The following SLC35F3 variants were observed in gnomAD, a reference collection of about 807,000 sequenced individuals.
SLC35F3 encodes the protein putative thiamine transporter SLC35F3.
In SLC35F3, 25 loss-of-function variants were observed where a neutral mutation model predicts 49.9. The observed-to-expected ratio is 0.50, with a 90% confidence interval of 0.37 to 0.70. The LOEUF (loss-of-function observed/expected upper bound fraction) is 0.70. Ranked by LOEUF, SLC35F3 falls within the 30% of genes least tolerant of loss-of-function variation. The probability of loss-of-function intolerance (pLI) is 0.00; values close to 1 mark genes in which losing one functional copy is unlikely to be tolerated. For synonymous variants in SLC35F3, 275 were observed against 265.4 expected, an observed-to-expected ratio of 1.04 and a Z score of -0.35; for missense variants, 525 against 639.8, an observed-to-expected ratio of 0.82 and a Z score of 1.94.
At chr1:234,281,090 C>T (rs192699693) in intron 3 of SLC35F3, among the ~76,000 whole-genome samples, 4 of 151,726 alleles carry the variant, frequency 2.6e-5, no homozygotes, top group African/African-American at 9.7e-5. Flanking sequence ...GTCCCCCCCC[C>T]ATGCTCAAAT....
intron 3 of SLC35F3, among the ~76,000 whole-genome samples, chr1:234,304,560 C>G (rs1668748225): frequency 6.6e-6 from 1 of 152,112 alleles, no homozygotes; most frequent in African/African-American, 2.4e-5. Flanking sequence ...TCTGCCACCC[C>G]ACGCACATAC....
chr1:234,263,751 C>T (rs1211793848), intron 3 of SLC35F3, among the ~76,000 whole-genome samples: 2 of 152,200 alleles, frequency 1.3e-5, no homozygotes, highest in Non-Finnish European at 2.9e-5. Context: ...GTGTCACCCA[C>T]GAGAAAGCTA....
At chr1:233,988,708 A>G (rs989856454) in intron 2 of SLC35F3, among the ~76,000 whole-genome samples, 3 of 152,194 alleles carry the variant, frequency 2.0e-5, no homozygotes, top group Non-Finnish European at 2.9e-5. Context: ...TCTGTCTCTT[A>G]TAACTTTTTC....
At chr1:234,187,052 A>G (rs1442802545) in intron 2 of SLC35F3, among the ~76,000 whole-genome samples, 3 of 152,032 alleles carry the variant, frequency 2.0e-5, no homozygotes, top group Non-Finnish European at 2.9e-5. Context: ...CTGTGGATCC[A>G]GGGGAATTGG....
Position 234,121,576 on chromosome 1 carries a change from T to G in SLC35F3, c.284-109841T>G, listed in dbSNP as rs185832294. Reference sequence around the variant, plus strand: ...AGCTTTTTTTTTCTTTTTTTCTTTTTATTATACTTTAAGTTCTAGGGTACA... The same window carrying G: ...AGCTTTTTTTTTCTTTTTTTCTTTTGATTATACTTTAAGTTCTAGGGTACA... On this transcript the variant is annotated intron_variant, in intron 2 of 7. Transcript: ENST00000366618. Among the ~76,000 whole-genome samples, 1,473 of 152,348 alleles carry G rather than the reference T, an allele frequency of 9.7e-3. 20 individuals carry two copies. The highest frequency in any genetic ancestry group is 0.034 in the African/African-American group (1,425 of 41,578).
chr1:234,117,771 A>G (rs1665510797), intron 2 of SLC35F3, among the ~76,000 whole-genome samples: 1 of 151,202 alleles, frequency 6.6e-6, no homozygotes. Flanking sequence ...CTGTAATCCC[A>G]GCTACTCAGG....
intron 2 of SLC35F3, among the ~76,000 whole-genome samples, chr1:234,025,234 G>A (rs1302213060): frequency 3.3e-5 from 5 of 152,210 alleles, no homozygotes; most frequent in East Asian, 1.9e-4. Flanking sequence ...GGGCATCTAG[G>A]TTGATTCCAT....
At chr1:234,253,765 G>C (rs978235394) in intron 3 of SLC35F3, among the ~76,000 whole-genome samples, 1 of 152,162 alleles carries the variant, frequency 6.6e-6, no homozygotes, top group Non-Finnish European at 1.5e-5. Flanking sequence ...CATACCCAAG[G>C]CTGAATGCCA....
chr1:234,178,510 C>G (rs1666510351), intron 2 of SLC35F3, among the ~76,000 whole-genome samples: 1 of 151,316 alleles, frequency 6.6e-6, no homozygotes, highest in African/African-American at 2.4e-5. Flanking sequence ...CACAGCAAAA[C>G]TAAGCAGAAA....
chr1:234,008,219 A>G (rs182230033), intron 2 of SLC35F3, among the ~76,000 whole-genome samples: 97 of 152,316 alleles, frequency 6.4e-4, no homozygotes, highest in Non-Finnish European at 9.6e-4. Flanking sequence ...TATTTAGTCA[A>G]CACCAATGGA....
At chr1:234,122,224 C>G (rs1665587321) in intron 2 of SLC35F3, among the ~76,000 whole-genome samples, 1 of 152,190 alleles carries the variant, frequency 6.6e-6, no homozygotes, top group Admixed American at 6.5e-5. Flanking sequence ...ATTATCCCTA[C>G]AGTAATTAAG....
At chr1:234,321,933 C>A (rs1269876179) in intron 7 of SLC35F3, among the ~76,000 whole-genome samples, 1 of 152,116 alleles carries the variant, frequency 6.6e-6, no homozygotes. Context: ...GTAATCCCAG[C>A]ACTTTGGGAG....
intron 2 of SLC35F3, among the ~76,000 whole-genome samples, chr1:234,090,877 A>C (rs1389714640): frequency 6.6e-6 from 1 of 152,202 alleles, no homozygotes; most frequent in Non-Finnish European, 1.5e-5. Context: ...TAAGACTAGA[A>C]GTAATCAATT....
chr1:234,217,321 C>G (rs545067314), intron 2 of SLC35F3, among the ~76,000 whole-genome samples: 2 of 152,338 alleles, frequency 1.3e-5, no homozygotes, highest in South Asian at 4.1e-4. Flanking sequence ...TTCATCCAAC[C>G]CTACTCTGTG....
At chr1:234,174,742 G>T (rs1274367312) in intron 2 of SLC35F3, among the ~76,000 whole-genome samples, 24 of 152,226 alleles carry the variant, frequency 1.6e-4, no homozygotes, top group Admixed American at 1.6e-3. Flanking sequence ...AGGCTGGAAG[G>T]TCCTCTTTGT....
chr1:234,114,805 C>T (rs1180019328), intron 2 of SLC35F3, among the ~76,000 whole-genome samples: 1 of 152,184 alleles, frequency 6.6e-6, no homozygotes, highest in Admixed American at 6.5e-5. Context: ...ATAATTTAAG[C>T]ATGGCTTCCT....
intron 2 of SLC35F3, among the ~76,000 whole-genome samples, chr1:234,141,413 A>G (rs1281676843): frequency 6.6e-6 from 1 of 152,076 alleles, no homozygotes; most frequent in African/African-American, 2.4e-5. Flanking sequence ...GTTAATTGGT[A>G]TACAAAAAGT....
chr1:234,035,476 G>A (rs4309044), intron 2 of SLC35F3, among the ~76,000 whole-genome samples: 116,620 of 152,100 alleles, frequency 0.77, 45,560 homozygotes, highest in African/African-American at 0.92. Context: ...TTCATCTATT[G>A]GAACACTCAG....
chr1:234,068,539 A>G (rs1664654425), intron 2 of SLC35F3, among the ~76,000 whole-genome samples: 1 of 151,986 alleles, frequency 6.6e-6, no homozygotes, highest in South Asian at 2.1e-4. Flanking sequence ...AGAAGCCATC[A>G]TAGAACCCAT....
Sources: allele counts gnomAD v4.1 joint callset (sites outside exome capture counted in the v4.1 genomes callset), GRCh38; gene constraint gnomAD v4.1.1; transcripts MANE v1.5; gene names NCBI Gene and HGNC (gene_info 2026-07-23, HGNC 2026-07-21).